The following ALDH1A1 variants were observed in gnomAD, a reference collection of about 807,000 sequenced individuals.
ALDH1A1 encodes the protein aldehyde dehydrogenase 1A1.
ALDH1A1 carries 19 observed loss-of-function variants against 62.1 expected under a neutral mutation model. That is an observed-to-expected ratio of 0.31 (90% CI 0.21 to 0.45). ALDH1A1 has a LOEUF of 0.45. Among genes scored for constraint, ALDH1A1 ranks in the 20% least tolerant of loss-of-function variants. The pLI, the probability that ALDH1A1 is intolerant of heterozygous loss-of-function variation, is 1.00. For missense variants in ALDH1A1, 521 were observed against 607.1 expected, an observed-to-expected ratio of 0.86 and a Z score of 1.49; for synonymous variants, 231 against 215.9, an observed-to-expected ratio of 1.07 and a Z score of -0.61.
At chr9:72,909,873 T>C in intron 10 of ALDH1A1, 114 bp from the exon 11 acceptor site, 1 of 886,478 alleles carries the variant, frequency 1.1e-6, no homozygotes, top group Non-Finnish European at 1.6e-6. Flanking sequence ...ATTTTGCTTC[T>C]CATCTCAAAC....
intron 1 of ALDH1A1, among the ~76,000 whole-genome samples, chr9:72,948,075 T>G (rs1302579854): frequency 2.6e-5 from 4 of 151,914 alleles, no homozygotes; most frequent in African/African-American, 9.7e-5. Context: ...GTAGTCATTC[T>G]CATTCCCAAT....
chr9:72,927,073 CTCT>C, intron 5 of ALDH1A1, 40 bp downstream of exon 5: 1 of 1,395,382 alleles, frequency 7.2e-7, no homozygotes, highest in Non-Finnish European at 1.0e-6. Flanking sequence ...AGAATAAGAA[CTCT>C]TCTTTTTAAA....
intron 2 of ALDH1A1, among the ~76,000 whole-genome samples, chr9:72,937,303 G>GA (rs1175879778): frequency 2.7e-5 from 4 of 150,682 alleles, no homozygotes; most frequent in African/African-American, 9.8e-5. Context: ...TCTGCAAGAA[G>GA]CATATTGTCT....
chr9:72,934,556 C>T (rs1476745371), intron 2 of ALDH1A1, among the ~76,000 whole-genome samples: 1 of 152,124 alleles, frequency 6.6e-6, no homozygotes, highest in Non-Finnish European at 1.5e-5. Flanking sequence ...TGACCCAACT[C>T]CTTCTTACTT....
intron 1 of ALDH1A1, among the ~76,000 whole-genome samples, chr9:72,945,131 T>A (rs963855897): frequency 2.0e-5 from 3 of 152,122 alleles, no homozygotes; most frequent in African/African-American, 7.2e-5. Context: ...GTATTGTGTA[T>A]AAATCTACAG....
At position 72,913,792 on chromosome 9, in the gene ALDH1A1, G is replaced by A. The variant is rs1830022326; in HGVS notation, c.1036-1670C>T. 3.3e-5 allele frequency among the ~76,000 whole-genome samples: 5 copies of A among 152,204 alleles called. 1 individual carries two copies. The South Asian group carries it at 1.0e-3, about 31-fold the overall frequency. On this transcript the variant is annotated intron_variant, in intron 9 of 12. Transcript: ENST00000297785. ...CAACCAGCAGTTGTGGCATCACTTG[G>A]TAGCCAAATGTGCTTCTTTGACCCC... is the stretch of plus-strand genomic sequence containing the variant.
chr9:72,943,802 AATGT>A (rs1830443323), intron 1 of ALDH1A1, among the ~76,000 whole-genome samples: 1 of 152,064 alleles, frequency 6.6e-6, no homozygotes, highest in African/African-American at 2.4e-5. Flanking sequence ...CTAAGAGGAG[AATGT>A]ATTCATATCA....
chr9:72,918,727 A>C lies in ALDH1A1; in HGVS notation c.843T>G (p.Asp281Glu). 6.2e-7 allele frequency: 1 copy of C among 1,607,278 alleles called. No individual in the cohort carries two copies. Among genetic ancestry groups the C allele is most frequent in the Non-Finnish European group, 8.5e-7 (1 of 1,177,818 alleles). ...GGKSPCIVLADADLDNAVEFA... is the reference protein window; with the variant it reads ...GGKSPCIVLAEADLDNAVEFA... ...AAAGTGGTTTCTACTCACAGTCGGC[A>C]TCAGCTAACACAATGCAAGGGCTCT... Residue 281 changes from aspartate to glutamate, a missense_variant, in exon 8 of 13, where the codon GAT becomes GAG. By Grantham distance (45) the Asp-to-Glu change is conservative. Transcript: ENST00000297785.
At chr9:72,902,015 T>G (rs1253428350) in intron 12 of ALDH1A1, among the ~76,000 whole-genome samples, 1 of 152,092 alleles carries the variant, frequency 6.6e-6, no homozygotes, top group Non-Finnish European at 1.5e-5. Flanking sequence ...TAGATTGGTC[T>G]AAATTCAGGC....
At position 72,929,011 on chromosome 9, in the gene ALDH1A1, G is replaced by A; in HGVS notation, c.323C>T (p.Ser108Leu). ...GGAATAGAGTTTTCCACCATTCATTGACTCCATTGTCTGAAAAACATGTCA... is the reference window on the plus strand; with the variant it reads ...GGAATAGAGTTTTCCACCATTCATTAACTCCATTGTCTGAAAAACATGTCA... ...RDRLLLATME[S>L]MNGGKLYSNA... Residue 108 changes from serine (S) to leucine (L), a missense_variant, in exon 4 of 13, where the codon TCA becomes TTA. Physicochemically the swap from Ser to Leu is moderately radical, Grantham distance 145. Transcript: ENST00000297785. 6.2e-7 allele frequency: 1 copy of A among 1,612,828 alleles called. No homozygotes were observed. Among genetic ancestry groups the A allele is most frequent in the Non-Finnish European group, 8.5e-7 (1 of 1,179,620 alleles).
chr9:72,907,644 A>G (rs979869323), intron 11 of ALDH1A1, among the ~76,000 whole-genome samples: 2 of 152,208 alleles, frequency 1.3e-5, no homozygotes, highest in Non-Finnish European at 2.9e-5. Context: ...CTTGGCAAAA[A>G]CTTTGAGTTC....
At chr9:72,908,118 T>G (rs1829899427) in intron 11 of ALDH1A1, among the ~76,000 whole-genome samples, 1 of 151,246 alleles carries the variant, frequency 6.6e-6, no homozygotes, top group South Asian at 2.1e-4. Flanking sequence ...AACCACAGCC[T>G]TAGAATATTG....
chr9:72,908,548 GAAAGAAGA>G (rs1335179023), intron 11 of ALDH1A1, among the ~76,000 whole-genome samples: 6 of 29,684 alleles, frequency 2.0e-4, no homozygotes, highest in African/African-American at 7.7e-4. Context: ...AGAAAGAAAA[GAAAGAAGA>G]AAGAAAGAAA....
chr9:72,921,458 G>A (rs1830141318), intron 7 of ALDH1A1, among the ~76,000 whole-genome samples: 2 of 150,206 alleles, frequency 1.3e-5, no homozygotes, highest in African/African-American at 4.9e-5. Context: ...GTTGAAAGTA[G>A]GATGGGTTTT....
intron 1 of ALDH1A1, among the ~76,000 whole-genome samples, chr9:72,945,742 A>G (rs911847292): frequency 6.6e-6 from 1 of 151,954 alleles, no homozygotes; most frequent in African/African-American, 2.4e-5. Context: ...ATCTCTGGCA[A>G]CTGCTTTGCA....
Position 72,930,886 on chromosome 9 carries a change from A to G in ALDH1A1, c.305T>C (p.Leu102Pro). 1.2e-6 allele frequency: 2 copies of G among 1,614,050 alleles called. No homozygotes were observed. Among genetic ancestry groups the G allele is most frequent in the Non-Finnish European group, 1.7e-6 (2 of 1,179,944 alleles). The change falls in exon 3 of 13, where the codon CTG becomes CCG. Residue 102 changes from leucine (L) to proline (P), a missense_variant. Leu to Pro is a moderately conservative substitution (Grantham distance 98, BLOSUM62 -3). Transcript: ENST00000297785. ...LADLIERDRL[L>P]LATMESMNGG... is the part of the protein sequence containing the mutation. ...AGCTTGGATAATACTCACCGCCAGC[A>G]GCAGACGATCTCTTTCGATTAAATC... is the stretch of plus-strand genomic sequence containing the variant.
chr9:72,929,975 G>T (rs1322895730), intron 3 of ALDH1A1, among the ~76,000 whole-genome samples: 1 of 152,098 alleles, frequency 6.6e-6, no homozygotes, highest in Non-Finnish European at 1.5e-5. Flanking sequence ...CTGAATTTTT[G>T]TGTATTTCAA....
At chr9:72,926,161 GA>G (rs1830205068) in intron 5 of ALDH1A1, among the ~76,000 whole-genome samples, 1 of 152,188 alleles carries the variant, frequency 6.6e-6, no homozygotes, top group African/African-American at 2.4e-5. Context: ...CATAATCTGT[GA>G]GTGCTGATAA....
chr9:72,925,734 T>A (rs1830196957), intron 5 of ALDH1A1, 122 bp from the exon 6 acceptor site: 2 of 1,140,152 alleles, frequency 1.8e-6, no homozygotes, highest in African/African-American at 3.2e-5. Flanking sequence ...TGTGAAATCA[T>A]CTGGCATATT....
Sources: allele counts gnomAD v4.1 joint callset (sites outside exome capture counted in the v4.1 genomes callset), GRCh38; gene constraint gnomAD v4.1.1; transcripts MANE v1.5; gene names NCBI Gene and HGNC (gene_info 2026-07-23, HGNC 2026-07-21).